Variants in HDAC9 observed in about 807,000 individuals in gnomAD.
The protein encoded by HDAC9 is histone deacetylase 9.
HDAC9 carries 41 observed loss-of-function variants against 139.4 expected under a neutral mutation model. That is an observed-to-expected ratio of 0.29 (90% CI 0.23 to 0.38). HDAC9 has a LOEUF of 0.38. HDAC9 is among the 10% of genes least tolerant of loss of function. The pLI is 1.00. For missense variants in HDAC9, 1,147 were observed against 1,297.0 expected (o/e 0.88, Z 1.78); for synonymous variants, 517 against 476.2 (o/e 1.09, Z -1.12).
chr7:18,970,672 C>T (rs879613047), intron 24 of HDAC9, among the ~76,000 whole-genome samples: 3 of 152,140 alleles, frequency 2.0e-5, no homozygotes, highest in Non-Finnish European at 4.4e-5. Context: ...AATCCATAGA[C>T]CTCCTTGTAA....
chr7:18,427,377 A>T (rs1016190391), intron 1 of HDAC9, among the ~76,000 whole-genome samples: 3 of 151,992 alleles, frequency 2.0e-5, no homozygotes, highest in Non-Finnish European at 4.4e-5. Context: ...AAACATTTGA[A>T]TGTTAGGTCT....
intron 2 of HDAC9, among the ~76,000 whole-genome samples, chr7:18,544,510 C>T (rs1814103500): frequency 6.6e-6 from 1 of 152,152 alleles, no homozygotes; most frequent in South Asian, 2.1e-4. Context: ...TGGGCATCAT[C>T]CTCATATAGA....
At chr7:18,558,375 T>C (rs1044247518) in intron 2 of HDAC9, among the ~76,000 whole-genome samples, 2 of 152,184 alleles carry the variant, frequency 1.3e-5, no homozygotes, top group African/African-American at 4.8e-5. Context: ...ATAAAAATGC[T>C]ATCTCAAGGT....
intron 9 of HDAC9, among the ~76,000 whole-genome samples, chr7:18,645,370 C>G (rs1047163721): frequency 2.0e-5 from 3 of 152,096 alleles, no homozygotes; most frequent in Non-Finnish European, 4.4e-5. Flanking sequence ...CCAGAAGATT[C>G]AAAGTGAATC....
intron 2 of HDAC9, among the ~76,000 whole-genome samples, chr7:18,209,991 C>T (rs1002228766): frequency 7.9e-5 from 12 of 151,132 alleles, no homozygotes; most frequent in Non-Finnish European, 1.6e-4. Flanking sequence ...TGAGCCACCG[C>T]GCCCGGCCAA....
At chr7:18,990,098 G>A (rs1026113227) in intron 25 of HDAC9, among the ~76,000 whole-genome samples, 2 of 152,166 alleles carry the variant, frequency 1.3e-5, no homozygotes, top group African/African-American at 2.4e-5. Context: ...TGCTGGTGAG[G>A]AACTGAGTTC....
chr7:18,418,811 G>C (rs1789339971), intron 1 of HDAC9, among the ~76,000 whole-genome samples: 1 of 152,158 alleles, frequency 6.6e-6, no homozygotes, highest in East Asian at 1.9e-4. Context: ...AAGTACAAGA[G>C]GGGGTGCATG....
At chr7:18,748,014 C>T (rs959976903) in intron 13 of HDAC9, among the ~76,000 whole-genome samples, 1 of 152,146 alleles carries the variant, frequency 6.6e-6, no homozygotes, top group Non-Finnish European at 1.5e-5. Flanking sequence ...TTCTCCCCAT[C>T]TACAAATATA....
intron 1 of HDAC9, among the ~76,000 whole-genome samples, chr7:18,404,082 T>G (rs1489145591): frequency 6.6e-6 from 1 of 151,942 alleles, no homozygotes; most frequent in Non-Finnish European, 1.5e-5. Flanking sequence ...AAAAGGGGAG[T>G]TGACCTTAAT....
chr7:18,865,054 C>CAA (rs971482183), intron 21 of HDAC9, among the ~76,000 whole-genome samples: 1 of 152,098 alleles, frequency 6.6e-6, no homozygotes, highest in African/African-American at 2.4e-5. Context: ...TTAAAACAAA[C>CAA]AAAACAACAA....
chr7:18,858,083 T>C (rs1023624334), intron 21 of HDAC9, among the ~76,000 whole-genome samples: 11 of 152,168 alleles, frequency 7.2e-5, no homozygotes, highest in Non-Finnish European at 8.8e-5. Context: ...TCATTTAGCA[T>C]GTCACAGTAT....
intron 17 of HDAC9, among the ~76,000 whole-genome samples, chr7:18,814,847 C>G (rs1185333848): frequency 6.6e-6 from 1 of 152,132 alleles, no homozygotes; most frequent in Non-Finnish European, 1.5e-5. Flanking sequence ...CTAAAATCAT[C>G]TATCCAAAGA....
intron 21 of HDAC9, among the ~76,000 whole-genome samples, chr7:18,865,866 C>CT (rs1798455182): frequency 2.0e-5 from 3 of 151,858 alleles, no homozygotes; most frequent in Admixed American, 6.6e-5. Flanking sequence ...TAATATGATG[C>CT]TTTCATGCAA....
intron 1 of HDAC9, among the ~76,000 whole-genome samples, chr7:18,114,308 C>T (rs1783822015): frequency 2.6e-5 from 4 of 152,210 alleles, no homozygotes; most frequent in Admixed American, 2.0e-4. Flanking sequence ...ATTGGCCACC[C>T]TTGGCTACAA....
intron 2 of HDAC9, among the ~76,000 whole-genome samples, chr7:18,203,271 A>C (rs1791268257): frequency 6.6e-6 from 1 of 152,150 alleles, no homozygotes; most frequent in South Asian, 2.1e-4. Context: ...GGTCTACGTG[A>C]AATATGAGGA....
intron 12 of HDAC9, among the ~76,000 whole-genome samples, chr7:18,675,021 G>A (rs1781412689): frequency 6.6e-6 from 1 of 151,762 alleles, no homozygotes; most frequent in African/African-American, 2.4e-5. Flanking sequence ...CCTCTTTATA[G>A]TATTAATTTT....
At chr7:18,309,048 T>C (rs915620907) in intron 1 of HDAC9, among the ~76,000 whole-genome samples, 1 of 152,168 alleles carries the variant, frequency 6.6e-6, no homozygotes, top group African/African-American at 2.4e-5. Flanking sequence ...TTTGTGGAGA[T>C]CTCTAAGTCA....
intron 2 of HDAC9, among the ~76,000 whole-genome samples, chr7:18,225,609 C>G (rs889595588): frequency 1.3e-5 from 2 of 151,976 alleles, no homozygotes; most frequent in African/African-American, 2.4e-5. Context: ...TACATGGAAT[C>G]TTAAATATAA....
At chr7:18,342,408 C>A (rs1205932010) in intron 1 of HDAC9, among the ~76,000 whole-genome samples, 1 of 151,840 alleles carries the variant, frequency 6.6e-6, no homozygotes, top group Non-Finnish European at 1.5e-5. Context: ...TTTGTTGCCT[C>A]ATGTCCAGTG....
Sources: gnomAD v4.1 joint callset for allele counts (sites outside exome capture counted in the v4.1 genomes callset) on GRCh38, gnomAD v4.1.1 for gene constraint, MANE v1.5 for transcripts, NCBI Gene and HGNC (gene_info 2026-07-23, HGNC 2026-07-21) for gene names.